PPFIA2: variants seen among roughly 807,000 people sequenced by gnomAD.
PPFIA2 encodes PPFI scaffold protein A2.
Under a neutral mutation model 175.5 loss-of-function variants are expected in PPFIA2, and 46 were observed. That is an observed-to-expected ratio of 0.26 (90% CI 0.21 to 0.34). The LOEUF is 0.34. PPFIA2 is among the 10% of genes least tolerant of loss of function. The probability of loss-of-function intolerance (pLI) is 1.00; values close to 1 mark genes in which losing one functional copy is unlikely to be tolerated. For missense variants in PPFIA2, 1,179 were observed against 1,506.1 expected, an observed-to-expected ratio of 0.78 and a Z score of 3.60; for synonymous variants, 568 against 511.4, an observed-to-expected ratio of 1.11 and a Z score of -1.49.
chr12:81,683,706 G>A (rs2074027500), intron 3 of PPFIA2, among the ~76,000 whole-genome samples: 1 of 152,054 alleles, frequency 6.6e-6, no homozygotes, highest in East Asian at 1.9e-4. Flanking sequence ...CTGCTTCTTA[G>A]GGTGCTTATT....
At chr12:81,717,281 G>A (rs998163885) in intron 3 of PPFIA2, among the ~76,000 whole-genome samples, 1 of 151,300 alleles carries the variant, frequency 6.6e-6, no homozygotes, top group Non-Finnish European at 1.5e-5. Context: ...ATGAAACAGT[G>A]TTCTTCTTTT....
At chr12:81,368,573 T>TA (rs1008083496) in intron 13 of PPFIA2, among the ~76,000 whole-genome samples, 152 bp downstream of exon 13, 13 of 151,888 alleles carry the variant, frequency 8.6e-5, no homozygotes, top group Admixed American at 2.0e-4. Flanking sequence ...CTTTTTTAAA[T>TA]AAAAAATATG....
chr12:81,357,004 A>G (rs2060962693), intron 16 of PPFIA2, among the ~76,000 whole-genome samples: 1 of 152,336 alleles, frequency 6.6e-6, no homozygotes, highest in South Asian at 2.1e-4. Flanking sequence ...GAGGCTGAGC[A>G]TAAAAGACAG....
intron 4 of PPFIA2, among the ~76,000 whole-genome samples, chr12:81,655,565 T>C (rs2067664525): frequency 6.6e-6 from 1 of 151,974 alleles, no homozygotes; most frequent in Admixed American, 6.6e-5. Flanking sequence ...TAATTAGAAG[T>C]GTCTATCTTG....
chr12:81,352,510 G>A (rs1357259463), intron 17 of PPFIA2, among the ~76,000 whole-genome samples: 1 of 151,600 alleles, frequency 6.6e-6, no homozygotes, highest in Non-Finnish European at 1.5e-5. Context: ...GCCAGGAAGA[G>A]AGCCTTTACC....
At chr12:81,328,687 T>C (rs1295222046) in intron 21 of PPFIA2, among the ~76,000 whole-genome samples, 3 of 152,144 alleles carry the variant, frequency 2.0e-5, no homozygotes, top group Non-Finnish European at 2.9e-5. Flanking sequence ...TGTTTGTGTA[T>C]GTTGAGGGAG....
intron 4 of PPFIA2, among the ~76,000 whole-genome samples, chr12:81,461,965 T>C (rs1415907099): frequency 6.6e-6 from 1 of 151,962 alleles, no homozygotes; most frequent in African/African-American, 2.4e-5. Context: ...AGTATTTTTA[T>C]ATCCTTAGGT....
chr12:81,515,449 T>C (rs2062309068), intron 4 of PPFIA2, among the ~76,000 whole-genome samples: 2 of 152,082 alleles, frequency 1.3e-5, no homozygotes, highest in Admixed American at 6.6e-5. Context: ...TTAATAAAAA[T>C]GTAAATAGCA....
intron 15 of PPFIA2, among the ~76,000 whole-genome samples, chr12:81,360,543 C>T (rs1346945785): frequency 6.6e-6 from 1 of 151,674 alleles, no homozygotes; most frequent in African/African-American, 2.4e-5. Context: ...CACTCTGGAA[C>T]TCATTTTACT....
chr12:81,355,501 A>C (rs76201310), intron 16 of PPFIA2, among the ~76,000 whole-genome samples: 1 of 152,136 alleles, frequency 6.6e-6, no homozygotes, highest in Non-Finnish European at 1.5e-5. Context: ...CCAGTCATTT[A>C]CTTTTCTTCT....
chr12:81,757,317 C>T (rs1209642332), intron 2 of PPFIA2, among the ~76,000 whole-genome samples: 1 of 152,162 alleles, frequency 6.6e-6, no homozygotes, highest in Non-Finnish European at 1.5e-5. Context: ...ATACTAAAAA[C>T]TGCATTCATC....
chr12:81,684,387 G>A (rs2153579814), intron 3 of PPFIA2, among the ~76,000 whole-genome samples: 1 of 152,164 alleles, frequency 6.6e-6, no homozygotes, highest in Admixed American at 6.6e-5. Flanking sequence ...GAAGGTGCAA[G>A]AACAATGTAG....
intron 4 of PPFIA2, among the ~76,000 whole-genome samples, chr12:81,628,907 T>G (rs1209990363): frequency 6.6e-6 from 1 of 152,094 alleles, no homozygotes; most frequent in African/African-American, 2.4e-5. Context: ...ATAAGGCCTA[T>G]AGCCTCCTGT....
chr12:81,277,300 A>C lies in PPFIA2; in HGVS notation c.3310+17T>G, dbSNP rs370570285. ...CCCCAGAATAAAGGCATTTCATATG[A>C]AAGAAAGATATATTACCTTTTATTT... On this transcript the variant is annotated intron_variant, in intron 28 of 32. Transcript: ENST00000549396. 3 of 1,523,488 alleles carry C rather than the reference A, an allele frequency of 2.0e-6. No individual in the cohort carries two copies. Among genetic ancestry groups the C allele is most frequent in the Non-Finnish European group, 2.6e-6 (3 of 1,137,050 alleles). 94.4% of individuals were successfully genotyped at this position (1,523,488 alleles called of 1,614,324 possible). A position where few individuals can be genotyped will look rare whatever the true frequency, so the allele number is the denominator to read the frequency against.
At chr12:81,750,461 G>T (rs1318151037) in intron 3 of PPFIA2, among the ~76,000 whole-genome samples, 1 of 108,292 alleles carries the variant, frequency 9.2e-6, no homozygotes, top group East Asian at 3.2e-4. Context: ...GCCTAAGTAA[G>T]GAGTTAGAGC....
chr12:81,660,953 C>T (rs2068733504), intron 4 of PPFIA2, among the ~76,000 whole-genome samples: 1 of 152,092 alleles, frequency 6.6e-6, no homozygotes, highest in Admixed American at 6.6e-5. Flanking sequence ...AACTAAGCTT[C>T]ATAAGTGAAG....
chr12:81,670,736 C>T lies in PPFIA2; in HGVS notation c.303+6055G>A, dbSNP rs1021114858. Reference sequence around the variant, plus strand: ...ACAATTACTCTCACCAAGATAATTTCTTCTTGTTAAATACAATGAACATAG... The same window carrying T: ...ACAATTACTCTCACCAAGATAATTTTTTCTTGTTAAATACAATGAACATAG... On this transcript the variant is annotated intron_variant, in intron 4 of 32. Coordinates refer to ENST00000549396, the MANE Select transcript of PPFIA2 (RefSeq NM_003625.5). 5.3e-5 allele frequency among the ~76,000 whole-genome samples: 8 copies of T among 151,948 alleles called. 1 individual carries two copies. Among genetic ancestry groups the T allele is most frequent in the African/African-American group, 9.7e-5 (4 of 41,416 alleles).
At chr12:81,492,832 G>A (rs7976363) in intron 4 of PPFIA2, among the ~76,000 whole-genome samples, 149,847 of 152,200 alleles carry the variant, frequency 0.98, 73,772 homozygotes, top group East Asian at 1. Context: ...AACAGACTTA[G>A]GTGAGGCAAA....
intron 3 of PPFIA2, among the ~76,000 whole-genome samples, chr12:81,709,144 C>G (rs1214004055): frequency 1.3e-5 from 2 of 152,116 alleles, no homozygotes; most frequent in Non-Finnish European, 1.5e-5. Context: ...TTCTTTCTGC[C>G]CAGCTCTGCA....
Sources: allele counts gnomAD v4.1 joint callset (sites outside exome capture counted in the v4.1 genomes callset), GRCh38; gene constraint gnomAD v4.1.1; transcripts MANE v1.5; gene names NCBI Gene and HGNC (gene_info 2026-07-23, HGNC 2026-07-21).